Variants in ZNF827 observed in about 807,000 individuals in gnomAD.
The protein encoded by ZNF827 is zinc finger protein 827.
In ZNF827, 13 loss-of-function variants were observed where a neutral mutation model predicts 102.4. The ratio of observed to expected loss-of-function variants is 0.13; its 90% CI spans 0.08 to 0.20. The LOEUF (loss-of-function observed/expected upper bound fraction) is 0.20, where lower values mean the gene tolerates loss of function less well. ZNF827 is among the 10% of genes least tolerant of loss of function. The pLI, the probability that ZNF827 is intolerant of heterozygous loss-of-function variation, is 1.00. For synonymous variants in ZNF827, 523 were observed against 536.2 expected (o/e 0.98, Z 0.34); for missense variants, 1,103 against 1,344.4 (o/e 0.82, Z 2.81).
At chr4:145,789,493 A>G (rs1386653906) in intron 8 of ZNF827, among the ~76,000 whole-genome samples, 2 of 152,206 alleles carry the variant, frequency 1.3e-5, no homozygotes, top group African/African-American at 4.8e-5. Context: ...ACACATATTT[A>G]ATATTTAACC....
chr4:145,819,516 C>T (rs1414301026), intron 8 of ZNF827, among the ~76,000 whole-genome samples: 1 of 152,210 alleles, frequency 6.6e-6, no homozygotes, highest in Non-Finnish European at 1.5e-5. Flanking sequence ...CTGAAAATCA[C>T]CTGACCTCGG....
chr4:145,862,233 G>A (rs545970167), intron 5 of ZNF827, among the ~76,000 whole-genome samples: 135 of 152,312 alleles, frequency 8.9e-4, no homozygotes, highest in Middle Eastern at 3.4e-3. Context: ...AGCTGAGAAA[G>A]AACCAAGTTC....
chr4:145,930,624 A>G (rs1325084892), intron 1 of ZNF827, among the ~76,000 whole-genome samples: 3 of 152,216 alleles, frequency 2.0e-5, no homozygotes, highest in African/African-American at 4.8e-5. Flanking sequence ...CCAGAGACAG[A>G]ACTTCAGTAG....
chr4:145,810,403 A>G (rs1363148407), intron 8 of ZNF827, among the ~76,000 whole-genome samples: 1 of 152,236 alleles, frequency 6.6e-6, no homozygotes. Context: ...CTTGAACACA[A>G]TGGTTTCCCA....
At chr4:145,851,207 T>TAA (rs1560998407) in intron 5 of ZNF827, among the ~76,000 whole-genome samples, 1 of 152,162 alleles carries the variant, frequency 6.6e-6, no homozygotes. Flanking sequence ...CATGAGAGAA[T>TAA]AAATATCTGT....
chr4:145,776,582 T>C (rs1005881076), intron 9 of ZNF827, among the ~76,000 whole-genome samples: 2 of 152,066 alleles, frequency 1.3e-5, no homozygotes, highest in East Asian at 3.9e-4. Context: ...CAAAAGAATA[T>C]TCTGTGAGTG....
chr4:145,936,457 A>G (rs1754177148), intron 1 of ZNF827, among the ~76,000 whole-genome samples: 1 of 151,452 alleles, frequency 6.6e-6, no homozygotes, highest in Non-Finnish European at 1.5e-5. Flanking sequence ...TTTTTTTTTT[A>G]AAGGAAGGGG....
At chr4:145,895,944 C>T (rs555142923) in intron 2 of ZNF827, among the ~76,000 whole-genome samples, 25 of 152,062 alleles carry the variant, frequency 1.6e-4, no homozygotes, top group Non-Finnish European at 3.5e-4. Flanking sequence ...TAACTTTTCC[C>T]AAGTATATCA....
chr4:145,775,858 T>G lies in ZNF827; in HGVS notation c.2624A>C (p.Asp875Ala). The stretch of plus-strand genomic sequence containing the variant: ...GACGGCGCTGACAATGTCCTCGGTG[T>G]CTGTACTCACCAGCTTCACGGAATG... ...TVHSVKLVST[D>A]TEDIVSAVTS... Residue 875 changes from aspartate (D) to alanine (A), a missense_variant, in exon 10 of 15, where the codon GAC becomes GCC. This residue lies in a region of ZNF827 where 242 missense variants were observed against 361.9 expected (regional missense o/e 0.67). Transcript: ENST00000508784. 6.2e-7 allele frequency: 1 copy of G among 1,614,192 alleles called. No individual in the cohort carries two copies.
chr4:145,783,545 G>A (rs892393337), intron 8 of ZNF827, among the ~76,000 whole-genome samples: 1 of 152,198 alleles, frequency 6.6e-6, no homozygotes, highest in Non-Finnish European at 1.5e-5. Flanking sequence ...GATGAACTCT[G>A]GCAGTTGCTA....
chr4:145,912,705 A>C (rs1752376640), intron 1 of ZNF827, among the ~76,000 whole-genome samples: 1 of 152,228 alleles, frequency 6.6e-6, no homozygotes, highest in South Asian at 2.1e-4. Flanking sequence ...GAGTTATGCT[A>C]TCATAAGCCT....
intron 1 of ZNF827, 149 bp from the exon 2 acceptor site, chr4:145,903,364 C>A: frequency 2.3e-5 from 32 of 1,410,578 alleles, no homozygotes; most frequent in Non-Finnish European, 2.7e-5. Context: ...GAATGTCAGA[C>A]AGACTTGGCA....
intron 10 of ZNF827, 27 bp from the exon 11 acceptor site, chr4:145,774,699 G>A (rs766553609): frequency 6.2e-7 from 1 of 1,605,770 alleles, no homozygotes; most frequent in African/African-American, 1.3e-5. Context: ...AAGAAAAGAG[G>A]GGGAGAGAAA....
Position 145,763,226 on chromosome 4 carries a change from C to A in ZNF827, c.3231-104G>T. ...CACAGAAAAGCAATTTAGACATCAG[C>A]AGTCTGTTTCATTTTAAGGACATTT... is the stretch of plus-strand genomic sequence containing the variant. On this transcript the variant is annotated intron_variant, in intron 13 of 14. Transcript: ENST00000508784. The surrounding 1 kb of genome is among the most constrained non-coding windows in gnomAD (Gnocchi z 4.6). 1 of 1,136,710 alleles carries A rather than the reference C, an allele frequency of 8.8e-7. No homozygotes were observed. 70.4% of individuals were successfully genotyped at this position (1,136,710 alleles called of 1,614,324 possible). A position where few individuals can be genotyped will look rare whatever the true frequency, so the allele number is the denominator to read the frequency against.
chr4:145,875,793 C>A (rs1328837895), intron 4 of ZNF827, among the ~76,000 whole-genome samples: 12 of 152,182 alleles, frequency 7.9e-5, no homozygotes, highest in Admixed American at 7.9e-4. Context: ...GCCAAAGACT[C>A]TTGAGCCTGG....
chr4:145,855,836 C>T (rs1437816629), intron 5 of ZNF827, among the ~76,000 whole-genome samples: 1 of 152,170 alleles, frequency 6.6e-6, no homozygotes, highest in Non-Finnish European at 1.5e-5. Context: ...GAGCTAGGTA[C>T]CCAGTGCAAT....
At chr4:145,764,080 A>G (rs1004542188) in intron 13 of ZNF827, among the ~76,000 whole-genome samples, 17 of 152,212 alleles carry the variant, frequency 1.1e-4, no homozygotes, top group African/African-American at 4.1e-4. Flanking sequence ...AATGACGAAC[A>G]TGTTTTAAAA....
rs1751578431 is a variant in ZNF827, at chr4:145,903,288, G to A, written c.44-73C>T. On this transcript the variant is annotated intron_variant, in intron 1 of 14. Transcript: ENST00000508784. ...GTAAGTCTCAAGACATTCAAATGGA[G>A]GTGATGACATGCTTTCTCTTCCCTT... The A allele has an allele frequency of 2.7e-6, 4 of 1,507,584 alleles. No individual in the cohort carries two copies. The East Asian group carries it at 9.1e-5, about 34-fold the overall frequency. 93.4% of individuals were successfully genotyped at this position (1,507,584 alleles called of 1,614,324 possible).
rs1006112784 is a variant in ZNF827 at position 145,761,131 on chromosome 4, G to C, written c.*485C>G. ...CCCGACCACCAGGAGCGGGGCCCCC[G>C]GGCCGGCCGGTTCCTTGGGGGCTGG... is the stretch of plus-strand genomic sequence containing the variant. On this transcript the variant is annotated 3_prime_UTR_variant, in exon 15 of 15. Transcript: ENST00000508784. This position sits in a 1 kb window ranked among gnomAD's most constrained non-coding sequence, Gnocchi z 6.8. 4.7e-6 allele frequency: 6 copies of C among 1,289,644 alleles called. No homozygotes were observed. Among genetic ancestry groups the C allele is most frequent in the Non-Finnish European group, 5.1e-6 (5 of 988,726 alleles). 79.9% of individuals were successfully genotyped at this position (1,289,644 alleles called of 1,614,324 possible).
Sources: gnomAD v4.1 joint callset for allele counts (sites outside exome capture counted in the v4.1 genomes callset) on GRCh38, gnomAD v4.1.1 for gene constraint, gnomAD v4.1.1 regional missense constraint, Gnocchi (gnomAD v3.1) non-coding constraint, MANE v1.5 for transcripts, NCBI Gene and HGNC (gene_info 2026-07-23, HGNC 2026-07-21) for gene names.